Variants in SCGN observed in about 807,000 individuals in gnomAD.
SCGN encodes the protein secretagogin, EF-hand calcium binding protein.
Under a neutral mutation model 39.7 loss-of-function variants are expected in SCGN, and 30 were observed. The ratio of observed to expected loss-of-function variants is 0.76; its 90% CI spans 0.57 to 1.03. The LOEUF is 1.03. Among genes scored for constraint, SCGN ranks in the 50% least tolerant of loss-of-function variants. The probability of loss-of-function intolerance (pLI) is 0.00; values close to 1 mark genes in which losing one functional copy is unlikely to be tolerated. For missense variants in SCGN, 353 were observed against 349.4 expected (o/e 1.01, Z -0.08); for synonymous variants, 106 against 114.1 (o/e 0.93, Z 0.45).
At chr6:25,660,282 G>C (rs10946788) in intron 2 of SCGN, among the ~76,000 whole-genome samples, 4 of 151,950 alleles carry the variant, frequency 2.6e-5, no homozygotes, top group African/African-American at 9.7e-5. Flanking sequence ...TCTTTCCACC[G>C]TCTCCTCTTT....
At chr6:25,700,103 G>A (rs1759890597) in intron 10 of SCGN, among the ~76,000 whole-genome samples, 1 of 151,782 alleles carries the variant, frequency 6.6e-6, no homozygotes, top group Non-Finnish European at 1.5e-5. Context: ...AAATTAGCCG[G>A]GCATGATGGC....
At chr6:25,693,738 T>C (rs1759803761) in intron 10 of SCGN, among the ~76,000 whole-genome samples, 1 of 152,238 alleles carries the variant, frequency 6.6e-6, no homozygotes, top group African/African-American at 2.4e-5. Context: ...TATAAAATTC[T>C]CTCTGCATAC....
At chr6:25,672,343 T>C (rs1231800286) in intron 6 of SCGN, among the ~76,000 whole-genome samples, 1 of 152,218 alleles carries the variant, frequency 6.6e-6, no homozygotes, top group Non-Finnish European at 1.5e-5. Context: ...ATGTAATTAA[T>C]AATGCATTAT....
intron 5 of SCGN, 137 bp downstream of exon 5, chr6:25,669,704 T>C (rs1759464660): frequency 4.3e-6 from 3 of 698,964 alleles, no homozygotes; most frequent in Non-Finnish European, 7.4e-6. Flanking sequence ...TATGTACATA[T>C]ATGTATATAT....
chr6:25,653,124 A>G (rs1760162312), intron 1 of SCGN, among the ~76,000 whole-genome samples: 1 of 152,224 alleles, frequency 6.6e-6, no homozygotes, highest in South Asian at 2.1e-4. Flanking sequence ...TTATTCATTG[A>G]TTAAAATTCA....
At chr6:25,655,013 C>T (rs578119111) in intron 2 of SCGN, among the ~76,000 whole-genome samples, 6 of 152,350 alleles carry the variant, frequency 3.9e-5, no homozygotes, top group Admixed American at 6.5e-5. Flanking sequence ...GCCACTTTCA[C>T]GTGCTAGCAG....
rs557777616 is a variant in SCGN, at chr6:25,662,949, C to T, written c.246+1305C>T. Among the ~76,000 whole-genome samples the T allele has an allele frequency of 4.6e-5, 7 of 152,244 alleles. No individual in the cohort carries two copies. The South Asian group carries it at 1.5e-3, about 32-fold the overall frequency. ...GCTCAGTATTTCTTGACCTAATTAACGAATGAGAAAAACATAGCAAATAAC... is the reference window on the plus strand; with the variant it reads ...GCTCAGTATTTCTTGACCTAATTAATGAATGAGAAAAACATAGCAAATAAC... On this transcript the variant is annotated intron_variant, in intron 3 of 10. Coordinates refer to ENST00000377961, the MANE Select transcript of SCGN (RefSeq NM_006998.4).
At chr6:25,701,126 C>T in intron 10 of SCGN, 81 bp from the exon 11 acceptor site, 3 of 1,501,748 alleles carry the variant, frequency 2.0e-6, no homozygotes, top group South Asian at 2.7e-5. Context: ...ACACCCTAAG[C>T]TTAGGGAGCA....
At chr6:25,678,010 A>G (rs938426604) in intron 6 of SCGN, among the ~76,000 whole-genome samples, 3 of 152,238 alleles carry the variant, frequency 2.0e-5, no homozygotes, top group Admixed American at 6.5e-5. Flanking sequence ...ATATTATTCA[A>G]TCTAAGGAGA....
Position 25,665,929 on chromosome 6 carries a change from G to A in SCGN, c.336+897G>A, listed in dbSNP as rs138699920. On this transcript the variant is annotated intron_variant, in intron 4 of 10. Coordinates refer to ENST00000377961, the MANE Select transcript of SCGN (RefSeq NM_006998.4). ...GCCCAGAGATTGTCACTGACGTTCTGTTGGTAGGCATACATTGTAGAATAA... is the reference window on the plus strand; with the variant it reads ...GCCCAGAGATTGTCACTGACGTTCTATTGGTAGGCATACATTGTAGAATAA... Among the ~76,000 whole-genome samples, 1,367 of 152,290 alleles carry A rather than the reference G, an allele frequency of 9.0e-3. 16 individuals are homozygous for A. The highest frequency in any genetic ancestry group is 0.03 in the African/African-American group (1,235 of 41,558).
intron 10 of SCGN, among the ~76,000 whole-genome samples, chr6:25,699,336 C>G (rs576579325): frequency 6.6e-6 from 1 of 152,186 alleles, no homozygotes; most frequent in African/African-American, 2.4e-5. Context: ...GGACTCTAAT[C>G]CCAGCACTTT....
intron 2 of SCGN, among the ~76,000 whole-genome samples, chr6:25,658,432 G>A (rs1046470307): frequency 1.3e-5 from 2 of 151,956 alleles, no homozygotes; most frequent in Non-Finnish European, 2.9e-5. Context: ...GAGTCAGACT[G>A]TCTAAGTCCT....
At chr6:25,661,263 T>A (rs1760330494) in intron 2 of SCGN, among the ~76,000 whole-genome samples, 1 of 152,196 alleles carries the variant, frequency 6.6e-6, no homozygotes, top group African/African-American at 2.4e-5. Context: ...CTGTTCAAAT[T>A]TGTTCTTTCA....
chr6:25,653,009 A>G (rs953642642), intron 1 of SCGN, among the ~76,000 whole-genome samples: 5 of 152,236 alleles, frequency 3.3e-5, no homozygotes, highest in Non-Finnish European at 7.3e-5. Flanking sequence ...TAAAATATCT[A>G]AAAGGTGTGT....
At chr6:25,669,698 T>A in intron 5 of SCGN, 131 bp downstream of exon 5, 1 of 717,826 alleles carries the variant, frequency 1.4e-6, no homozygotes, top group South Asian at 1.7e-5. Flanking sequence ...CATACATATG[T>A]ACATATATGT....
intron 10 of SCGN, among the ~76,000 whole-genome samples, chr6:25,696,977 A>G (rs1441914019): frequency 6.6e-6 from 1 of 152,204 alleles, no homozygotes; most frequent in Non-Finnish European, 1.5e-5. Flanking sequence ...GTTAGATATA[A>G]AAGAATGTGG....
chr6:25,655,476 C>T (rs1760211038), intron 2 of SCGN, among the ~76,000 whole-genome samples: 1 of 152,156 alleles, frequency 6.6e-6, no homozygotes, highest in Admixed American at 6.5e-5. Flanking sequence ...CTATCTCAGA[C>T]CTGGTCCATG....
At chr6:25,665,547 C>T (rs1384826177) in intron 4 of SCGN, among the ~76,000 whole-genome samples, 1 of 152,160 alleles carries the variant, frequency 6.6e-6, no homozygotes, top group Non-Finnish European at 1.5e-5. Context: ...AAGTTAAAGG[C>T]GGTATCAATG....
intron 10 of SCGN, among the ~76,000 whole-genome samples, chr6:25,697,791 A>G (rs1759857100): frequency 6.6e-6 from 1 of 152,228 alleles, no homozygotes; most frequent in Non-Finnish European, 1.5e-5. Flanking sequence ...CTATGAGATG[A>G]AAGAGGAAAA....
Sources: gnomAD v4.1 joint callset for allele counts (sites outside exome capture counted in the v4.1 genomes callset) on GRCh38, gnomAD v4.1.1 for gene constraint, MANE v1.5 for transcripts, NCBI Gene and HGNC (gene_info 2026-07-23, HGNC 2026-07-21) for gene names.